The following AAMDC variants were observed in gnomAD, a reference collection of about 807,000 sequenced individuals.
The protein encoded by AAMDC is mth938 domain-containing protein.
In AAMDC, 16 loss-of-function variants were observed where a neutral mutation model predicts 15.5. The ratio of observed to expected loss-of-function variants is 1.03; its 90% CI spans 0.70 to 1.57. AAMDC has a LOEUF of 1.57. Ranked by LOEUF, AAMDC falls within the 40% of genes most tolerant of loss-of-function variation. The probability of loss-of-function intolerance (pLI) is 0.00; values close to 1 mark genes in which losing one functional copy is unlikely to be tolerated. For missense variants in AAMDC, 141 were observed against 144.9 expected (o/e 0.97, Z 0.14); for synonymous variants, 51 against 51.6 (o/e 0.99, Z 0.05).
chr11:77,872,019 G>A (rs1951452876), intron 3 of AAMDC, 156 bp from the exon 4 acceptor site: 3 of 621,702 alleles, frequency 4.8e-6, no homozygotes, highest in South Asian at 3.3e-5. Context: ...GACTCATTGG[G>A]GCTCACTGCC....
chr11:77,839,392 T>C, intron 1 of AAMDC, among the ~76,000 whole-genome samples: 1 of 152,182 alleles, frequency 6.6e-6, no homozygotes, highest in Non-Finnish European at 1.5e-5. Flanking sequence ...TAGTTCAACC[T>C]TTGTGGAAGA....
intron 5 of AAMDC, chr11:77,883,740 T>C: frequency 7.5e-7 from 1 of 1,332,372 alleles, no homozygotes; most frequent in South Asian, 1.3e-5. Flanking sequence ...TTCATCCATG[T>C]ATTTTTTTCA....
intron 2 of AAMDC, among the ~76,000 whole-genome samples, chr11:77,863,730 GTCTCAAACTCCTGGCC>G (rs1421515668): frequency 1.3e-5 from 2 of 152,070 alleles, no homozygotes; most frequent in African/African-American, 4.8e-5. Context: ...GCCCAGGCTG[GTCTCAAACTCCTGGCC>G]TCAAGCGACC....
At chr11:77,869,315 T>TC (rs1555014215) in intron 2 of AAMDC, 22 of 157,382 alleles carry the variant, frequency 1.4e-4, no homozygotes, top group South Asian at 3.5e-4. Flanking sequence ...TCTTTTTCTT[T>TC]TTTTTTTTTT....
At chr11:77,822,654 A>G (rs1488643645) in intron 1 of AAMDC, among the ~76,000 whole-genome samples, 2 of 152,176 alleles carry the variant, frequency 1.3e-5, no homozygotes, top group Non-Finnish European at 2.9e-5. Context: ...ATTTATCAAG[A>G]GAAAAATTCT....
At chr11:77,901,140 G>C (rs1305433236), downstream of AAMDC, among the ~76,000 whole-genome samples, 1 of 152,200 alleles carries the variant, frequency 6.6e-6, no homozygotes, top group Non-Finnish European at 1.5e-5. Flanking sequence ...AGGATACAGA[G>C]TGTCCTTATT....
chr11:77,822,499 A>G (rs945745444), intron 1 of AAMDC, among the ~76,000 whole-genome samples: 1 of 152,054 alleles, frequency 6.6e-6, no homozygotes, highest in Non-Finnish European at 1.5e-5. Flanking sequence ...ATAGAAAGAT[A>G]AGAAATAGAT....
chr11:77,886,442 C>T (rs559354117), intron 5 of AAMDC, among the ~76,000 whole-genome samples: 57 of 152,192 alleles, frequency 3.7e-4, no homozygotes, highest in Admixed American at 1.4e-3. Context: ...CGAAGGCCCG[C>T]GGCGGGTGTT....
At chr11:77,862,108 C>G (rs1470973807) in intron 2 of AAMDC, among the ~76,000 whole-genome samples, 1 of 152,112 alleles carries the variant, frequency 6.6e-6, no homozygotes, top group African/African-American at 2.4e-5. Context: ...TTCTAGCACG[C>G]AAGGTAGCAA....
At chr11:77,866,934 G>A (rs894118562) in intron 2 of AAMDC, among the ~76,000 whole-genome samples, 3 of 151,736 alleles carry the variant, frequency 2.0e-5, no homozygotes, top group African/African-American at 7.3e-5. Flanking sequence ...TCCACTTCCT[G>A]GGTTCAAGTG....
intron 5 of AAMDC, among the ~76,000 whole-genome samples, chr11:77,893,293 T>C (rs951496898): frequency 1.3e-5 from 2 of 152,208 alleles, no homozygotes; most frequent in South Asian, 4.1e-4. Context: ...TTGTAGATTA[T>C]AGAGAAATAT....
intron 2 of AAMDC, among the ~76,000 whole-genome samples, chr11:77,856,639 A>C (rs1220227290): frequency 2.0e-5 from 3 of 152,134 alleles, no homozygotes; most frequent in Admixed American, 6.6e-5. Flanking sequence ...CTATCACGGC[A>C]GAAGGTGAAG....
At chr11:77,840,139 G>A (rs1321690055) in intron 1 of AAMDC, among the ~76,000 whole-genome samples, 5 of 151,970 alleles carry the variant, frequency 3.3e-5, no homozygotes, top group Admixed American at 6.6e-5. Context: ...GGATTTGAAT[G>A]ATTAATGCAC....
downstream of AAMDC, among the ~76,000 whole-genome samples, chr11:77,876,530 G>A (rs983273216): frequency 6.6e-6 from 1 of 151,844 alleles, no homozygotes; most frequent in Non-Finnish European, 1.5e-5. Context: ...ACCCCGATAC[G>A]ATACTTGAAT....
chr11:77,892,118 ATT>A (rs963640094), intron 5 of AAMDC, among the ~76,000 whole-genome samples: 2 of 152,208 alleles, frequency 1.3e-5, no homozygotes, highest in African/African-American at 4.8e-5. Flanking sequence ...CATCATTAGA[ATT>A]TTTATTTTCG....
At chr11:77,871,766 C>T (rs1240122504) in intron 3 of AAMDC, among the ~76,000 whole-genome samples, 1 of 152,198 alleles carries the variant, frequency 6.6e-6, no homozygotes, top group Non-Finnish European at 1.5e-5. Context: ...GGAGTTTGCA[C>T]ACCAAGGTAG....
chr11:77,827,103 CA>C (rs10540717), intron 1 of AAMDC, among the ~76,000 whole-genome samples: 72 of 144,102 alleles, frequency 5.0e-4, no homozygotes, highest in East Asian at 8.3e-4. Context: ...AAACTCGTCT[CA>C]AAAAAAAAAA....
chr11:77,842,668 C>T (rs1681786601), intron 2 of AAMDC, 40 bp downstream of exon 2: 1 of 1,600,734 alleles, frequency 6.2e-7, no homozygotes, highest in Non-Finnish European at 8.5e-7. Context: ...ATGAGGCTGA[C>T]CAAGTGATTT....
At chr11:77,888,006 AT>A (rs1258435424) in intron 5 of AAMDC, among the ~76,000 whole-genome samples, 1 of 152,220 alleles carries the variant, frequency 6.6e-6, no homozygotes, top group Non-Finnish European at 1.5e-5. Flanking sequence ...GCCCAAGGTA[AT>A]TTATACATTC....
Sources: gnomAD v4.1 joint callset for allele counts (sites outside exome capture counted in the v4.1 genomes callset) on GRCh38, gnomAD v4.1.1 for gene constraint, MANE v1.5 for transcripts, NCBI Gene and HGNC (gene_info 2026-07-23, HGNC 2026-07-21) for gene names.